DSCAM: variants seen among roughly 807,000 people sequenced by gnomAD.
DSCAM encodes the protein DS cell adhesion molecule, also known as cell adhesion molecule DSCAM.
A neutral mutation model predicts 217.7 loss-of-function variants in DSCAM; 47 were observed. That is an observed-to-expected ratio of 0.22 (90% confidence interval 0.17 to 0.28). The LOEUF is 0.28. Ranked by LOEUF, DSCAM falls within the 10% of genes least tolerant of loss-of-function variation. The pLI is 1.00. For synonymous variants in DSCAM, 1,056 were observed against 1,015.3 expected (o/e 1.04, Z -0.76); for missense variants, 2,080 against 2,618.3 (o/e 0.79, Z 4.49).
intron 3 of DSCAM, among the ~76,000 whole-genome samples, chr21:40,589,387 C>T (rs2076968325): frequency 6.6e-6 from 1 of 152,082 alleles, no homozygotes; most frequent in African/African-American, 2.4e-5. Context: ...ACCAGCCTGG[C>T]CAATATGGTG....
At position 40,840,752 on chromosome 21, in the gene DSCAM, T is replaced by C. The variant is rs555056195; in HGVS notation, c.43+5867A>G. Among the ~76,000 whole-genome samples the C allele has an allele frequency of 5.9e-4, 89 of 151,976 alleles. 1 individual carries two copies. The highest frequency in any genetic ancestry group is 6.8e-3 in the Middle Eastern group (2 of 292). On this transcript the variant is annotated intron_variant, in intron 1 of 32. Coordinates refer to ENST00000400454, the MANE Select transcript of DSCAM (RefSeq NM_001389.5). The stretch of plus-strand genomic sequence containing the variant: ...AGGTGGGTAGAGCAAAAGAGTCCAG[T>C]GGTTTAGTCAGAATGCAAGATAGGG...
At chr21:40,094,683 A>ATTGGG (rs2089654337) in intron 20 of DSCAM, among the ~76,000 whole-genome samples, 1 of 152,214 alleles carries the variant, frequency 6.6e-6, no homozygotes, top group Non-Finnish European at 1.5e-5. Context: ...GGTATAGTGC[A>ATTGGG]TAAGGGTCTT....
chr21:40,660,423 A>T (rs1358302744), intron 3 of DSCAM, among the ~76,000 whole-genome samples: 1 of 152,212 alleles, frequency 6.6e-6, no homozygotes, highest in African/African-American at 2.4e-5. Flanking sequence ...AACAACAACA[A>T]TAACACCCAT....
chr21:40,697,851 T>C (rs2146459993), intron 2 of DSCAM, among the ~76,000 whole-genome samples: 1 of 151,636 alleles, frequency 6.6e-6, no homozygotes, highest in South Asian at 2.1e-4. Context: ...AAGTTAAGGA[T>C]TTTTTTTTCT....
At chr21:40,811,729 T>C (rs2091841182) in intron 1 of DSCAM, among the ~76,000 whole-genome samples, 2 of 152,366 alleles carry the variant, frequency 1.3e-5, no homozygotes, top group South Asian at 2.1e-4. Context: ...TTTCCAGGCC[T>C]AGCCTTTCTT....
At chr21:40,014,371 C>T (rs2088118609) in intron 32 of DSCAM, among the ~76,000 whole-genome samples, 1 of 151,740 alleles carries the variant, frequency 6.6e-6, no homozygotes, top group Non-Finnish European at 1.5e-5. Flanking sequence ...GCCTGGGTGA[C>T]AGAGCAAGAC....
intron 1 of DSCAM, among the ~76,000 whole-genome samples, chr21:40,760,334 T>C (rs1184549899): frequency 6.6e-6 from 1 of 152,118 alleles, no homozygotes; most frequent in Non-Finnish European, 1.5e-5. Flanking sequence ...ATTTATTGAT[T>C]CAATTGGCCC....
intron 11 of DSCAM, among the ~76,000 whole-genome samples, chr21:40,273,900 CT>C (rs1167797892): frequency 1.3e-5 from 2 of 152,192 alleles, no homozygotes; most frequent in African/African-American, 4.8e-5. Flanking sequence ...GACCCAATCA[CT>C]TTTCAAAGGC....
At chr21:40,377,579 T>C (rs1255937210) in intron 3 of DSCAM, among the ~76,000 whole-genome samples, 2 of 151,908 alleles carry the variant, frequency 1.3e-5, no homozygotes, top group Non-Finnish European at 2.9e-5. Context: ...AGCTCAGCTG[T>C]GAGCATGCTG....
chr21:40,034,005 A>C (rs905860225), intron 32 of DSCAM, among the ~76,000 whole-genome samples: 1 of 86,804 alleles, frequency 1.2e-5, no homozygotes, highest in African/African-American at 4.8e-5. Context: ...CAGAAAGGAC[A>C]TCCACACCAA....
At chr21:40,526,745 A>G (rs2076403830) in intron 3 of DSCAM, among the ~76,000 whole-genome samples, 1 of 152,136 alleles carries the variant, frequency 6.6e-6, no homozygotes, top group East Asian at 1.9e-4. Context: ...CAGTATATAC[A>G]TATATCAAAA....
chr21:40,054,580 C>T (rs985347980), intron 29 of DSCAM, among the ~76,000 whole-genome samples: 1 of 152,206 alleles, frequency 6.6e-6, no homozygotes, highest in Non-Finnish European at 1.5e-5. Context: ...AAGGGTTGTC[C>T]TGGGACTCAT....
chr21:40,090,908 A>G (rs533002430), intron 21 of DSCAM, among the ~76,000 whole-genome samples: 2 of 152,146 alleles, frequency 1.3e-5, no homozygotes, highest in South Asian at 2.1e-4. Context: ...CACTTCTTCC[A>G]TGGTCTTCTT....
intron 11 of DSCAM, among the ~76,000 whole-genome samples, chr21:40,268,476 A>T (rs188717878): frequency 1.3e-5 from 2 of 152,280 alleles, no homozygotes; most frequent in African/African-American, 4.8e-5. Flanking sequence ...CCACAGGGGA[A>T]GGCCATGGAA....
intron 11 of DSCAM, among the ~76,000 whole-genome samples, chr21:40,265,812 A>G (rs1427780702): frequency 6.6e-6 from 1 of 152,214 alleles, no homozygotes; most frequent in African/African-American, 2.4e-5. Flanking sequence ...CCACATATAT[A>G]AGAGCGAAAC....
chr21:40,291,647 C>T (rs575028964), intron 10 of DSCAM, among the ~76,000 whole-genome samples: 8 of 152,202 alleles, frequency 5.3e-5, no homozygotes, highest in East Asian at 1.9e-4. Flanking sequence ...CGGTCTCCCT[C>T]GGAGGACAGG....
intron 3 of DSCAM, among the ~76,000 whole-genome samples, chr21:40,508,754 TATATATATATATATATATATATATATA>T (rs1471748167): frequency 0.14 from 692 of 4,798 alleles, 58 homozygotes; most frequent in African/African-American, 0.24. Context: ...TATATATATA[TATATATATATATATATATATATATATA>T]TATTTTTTTT....
intron 11 of DSCAM, among the ~76,000 whole-genome samples, chr21:40,192,534 G>T (rs567719660): frequency 6.6e-6 from 1 of 152,102 alleles, no homozygotes; most frequent in Non-Finnish European, 1.5e-5. Context: ...TTCCCTAGTC[G>T]CATAGGACTG....
At chr21:40,462,267 G>C (rs1569133681) in intron 3 of DSCAM, among the ~76,000 whole-genome samples, 1 of 152,290 alleles carries the variant, frequency 6.6e-6, no homozygotes, top group East Asian at 1.9e-4. Flanking sequence ...AGGCTCTCAT[G>C]ATGTGGCACC....
Sources: gnomAD v4.1 joint callset for allele counts (sites outside exome capture counted in the v4.1 genomes callset) on GRCh38, gnomAD v4.1.1 for gene constraint, MANE v1.5 for transcripts, NCBI Gene and HGNC (gene_info 2026-07-23, HGNC 2026-07-21) for gene names.